KCNB2: variants seen among roughly 807,000 people sequenced by gnomAD.
KCNB2 encodes potassium voltage-gated channel subfamily B member 2, also known as delayed rectifier potassium channel protein.
A neutral mutation model predicts 61.5 loss-of-function variants in KCNB2; 15 were observed. The ratio of observed to expected loss-of-function variants is 0.24; its 90% CI spans 0.16 to 0.38. KCNB2 has a LOEUF of 0.38. Among genes scored for constraint, KCNB2 ranks in the 10% least tolerant of loss-of-function variants. KCNB2 has a pLI of 1.00. For synonymous variants in KCNB2, 457 were observed against 446.0 expected, an observed-to-expected ratio of 1.02 and a Z score of -0.31; for missense variants, 828 against 1,125.2, an observed-to-expected ratio of 0.74 and a Z score of 3.78.
chr8:72,857,913 A>C (rs1810233675), intron 2 of KCNB2, among the ~76,000 whole-genome samples: 1 of 152,112 alleles, frequency 6.6e-6, no homozygotes, highest in South Asian at 2.1e-4. Flanking sequence ...AAGTGGGTGC[A>C]CAGGAATATA....
intron 2 of KCNB2, among the ~76,000 whole-genome samples, chr8:72,605,511 C>T (rs1213945313): frequency 2.0e-5 from 3 of 152,066 alleles, no homozygotes; most frequent in Non-Finnish European, 2.9e-5. Flanking sequence ...GAACCATGTG[C>T]TTAATAAGCT....
At chr8:72,637,184 A>G (rs560868034) in intron 2 of KCNB2, among the ~76,000 whole-genome samples, 25 of 152,296 alleles carry the variant, frequency 1.6e-4, no homozygotes, top group African/African-American at 6.0e-4. Context: ...TAACCAAACT[A>G]TATGAGGATG....
At chr8:72,801,526 G>A (rs1466051511) in intron 2 of KCNB2, among the ~76,000 whole-genome samples, 1 of 151,748 alleles carries the variant, frequency 6.6e-6, no homozygotes, top group African/African-American at 2.4e-5. Context: ...TTTTTTTTCC[G>A]AAGCATTTCT....
intron 2 of KCNB2, among the ~76,000 whole-genome samples, chr8:72,677,859 A>G (rs1038266748): frequency 7.2e-5 from 11 of 152,324 alleles, no homozygotes; most frequent in Non-Finnish European, 1.3e-4. Flanking sequence ...CTCTGAATCT[A>G]CATTCATTCT....
At chr8:72,767,163 G>T (rs565259537) in intron 2 of KCNB2, among the ~76,000 whole-genome samples, 4 of 152,284 alleles carry the variant, frequency 2.6e-5, no homozygotes, top group African/African-American at 9.6e-5. Context: ...TGAGATTTGG[G>T]TGGGGACACA....
intron 2 of KCNB2, among the ~76,000 whole-genome samples, chr8:72,615,338 A>G (rs923391494): frequency 1.3e-5 from 2 of 152,334 alleles, no homozygotes; most frequent in South Asian, 4.1e-4. Context: ...ACCGACTGCT[A>G]CATGGCTCTG....
rs199627636 is a variant in KCNB2, at chr8:72,799,743, G to C, written c.580-136192G>C. Among the ~76,000 whole-genome samples, 7 of 152,242 alleles carry C rather than the reference G, an allele frequency of 4.6e-5. No individual in the cohort carries two copies. The East Asian group carries it at 1.4e-3, about 29-fold the overall frequency. ...GGCTCTGTACCAGATACCGAAAGAT[G>C]GAGGTATCTGAAGACGTGGACATAA... On this transcript the variant is annotated intron_variant, in intron 2 of 2. Coordinates refer to ENST00000523207, the MANE Select transcript of KCNB2 (RefSeq NM_004770.3).
intron 2 of KCNB2, among the ~76,000 whole-genome samples, chr8:72,770,538 C>T (rs561772802): frequency 6.6e-6 from 1 of 152,278 alleles, no homozygotes; most frequent in Admixed American, 6.5e-5. Context: ...AGTATTGGAG[C>T]ATGGTCATGC....
At chr8:72,713,862 G>T (rs577370844) in intron 2 of KCNB2, among the ~76,000 whole-genome samples, 1 of 152,100 alleles carries the variant, frequency 6.6e-6, no homozygotes, top group Non-Finnish European at 1.5e-5. Flanking sequence ...AAACTACTCC[G>T]AGCTAAAGGA....
At chr8:72,629,645 T>C (rs1382363770) in intron 2 of KCNB2, among the ~76,000 whole-genome samples, 1 of 152,104 alleles carries the variant, frequency 6.6e-6, no homozygotes, top group East Asian at 1.9e-4. Flanking sequence ...TCACATGAAT[T>C]GAGAATAGAA....
At chr8:72,915,217 G>T (rs2981123) in intron 2 of KCNB2, among the ~76,000 whole-genome samples, 3 of 151,444 alleles carry the variant, frequency 2.0e-5, no homozygotes, top group Non-Finnish European at 4.4e-5. Context: ...CCACTGCGCC[G>T]AGCATGACTG....
chr8:72,869,799 G>A (rs938203765), intron 2 of KCNB2, among the ~76,000 whole-genome samples: 2 of 152,170 alleles, frequency 1.3e-5, no homozygotes, highest in Non-Finnish European at 1.5e-5. Flanking sequence ...TCAAAAAACT[G>A]AAAGTAGAAC....
chr8:72,541,804 A>G (rs959145460), intron 1 of KCNB2, among the ~76,000 whole-genome samples: 2 of 152,130 alleles, frequency 1.3e-5, no homozygotes, highest in Admixed American at 6.5e-5. Context: ...AGATGATCTC[A>G]TTGGTCAGTT....
At chr8:72,728,451 C>A (rs988533535) in intron 2 of KCNB2, among the ~76,000 whole-genome samples, 2 of 152,006 alleles carry the variant, frequency 1.3e-5, no homozygotes, top group African/African-American at 4.8e-5. Flanking sequence ...AATGAATAAT[C>A]ATTCAGGACT....
chr8:72,763,191 T>C (rs1808412230), intron 2 of KCNB2, among the ~76,000 whole-genome samples: 1 of 152,088 alleles, frequency 6.6e-6, no homozygotes, highest in African/African-American at 2.4e-5. Context: ...GTATGTTAGC[T>C]CGAGGGTAGA....
chr8:72,904,368 G>A (rs1166466569), intron 2 of KCNB2, among the ~76,000 whole-genome samples: 1 of 152,030 alleles, frequency 6.6e-6, no homozygotes, highest in African/African-American at 2.4e-5. Context: ...TTAACACAGG[G>A]GGTAGAAGGA....
chr8:72,903,208 T>C (rs1008396700), intron 2 of KCNB2, among the ~76,000 whole-genome samples: 1 of 152,130 alleles, frequency 6.6e-6, no homozygotes, highest in Non-Finnish European at 1.5e-5. Flanking sequence ...AGTGGTTTAT[T>C]TGAGAGGTGA....
intron 2 of KCNB2, among the ~76,000 whole-genome samples, chr8:72,611,156 A>G (rs1805531422): frequency 6.6e-6 from 1 of 152,192 alleles, no homozygotes; most frequent in South Asian, 2.1e-4. Flanking sequence ...ACTGAGACCC[A>G]TCTTTTAATC....
At chr8:72,820,034 G>A (rs369066617) in intron 2 of KCNB2, among the ~76,000 whole-genome samples, 1 of 151,994 alleles carries the variant, frequency 6.6e-6, no homozygotes, top group Non-Finnish European at 1.5e-5. Context: ...CTCCCATCTT[G>A]TAGGCCCCCT....
Sources: gnomAD v4.1 joint callset for allele counts (sites outside exome capture counted in the v4.1 genomes callset) on GRCh38, gnomAD v4.1.1 for gene constraint, MANE v1.5 for transcripts, NCBI Gene and HGNC (gene_info 2026-07-23, HGNC 2026-07-21) for gene names.